The following MAPRE2 variants were observed in gnomAD, a reference collection of about 807,000 sequenced individuals.
MAPRE2 encodes microtubule associated protein RP/EB family member 2.
In MAPRE2, 13 loss-of-function variants were observed where a neutral mutation model predicts 43.2. That is an observed-to-expected ratio of 0.30 (90% CI 0.20 to 0.48). The LOEUF (loss-of-function observed/expected upper bound fraction) is 0.48. MAPRE2 is among the 20% of genes least tolerant of loss of function. The pLI, the probability that MAPRE2 is intolerant of heterozygous loss-of-function variation, is 0.99. For missense variants in MAPRE2, 161 were observed against 400.2 expected (o/e 0.40, Z 5.10); for synonymous variants, 135 against 148.8 (o/e 0.91, Z 0.68).
At chr18:34,985,391 T>A (rs1274780827) in intron 1 of MAPRE2, among the ~76,000 whole-genome samples, 2 of 48,680 alleles carry the variant, frequency 4.1e-5, no homozygotes, top group African/African-American at 1.7e-4. Flanking sequence ...TTTATATATA[T>A]ATAATATATA....
chr18:34,979,964 A>T (rs1269405094), intron 1 of MAPRE2, among the ~76,000 whole-genome samples: 1 of 150,366 alleles, frequency 6.7e-6, no homozygotes, highest in Non-Finnish European at 1.5e-5. Context: ...CACTCTCTGC[A>T]CTGTTGTCTA....
intron 5 of MAPRE2, among the ~76,000 whole-genome samples, chr18:35,129,714 G>C (rs1910063283): frequency 6.6e-6 from 1 of 152,206 alleles, no homozygotes; most frequent in Admixed American, 6.5e-5. Flanking sequence ...AGAGACTATA[G>C]CCATCACTGA....
chr18:35,032,206 G>C (rs1459088247), intron 2 of MAPRE2, among the ~76,000 whole-genome samples: 1 of 152,192 alleles, frequency 6.6e-6, no homozygotes, highest in Non-Finnish European at 1.5e-5. Flanking sequence ...CAGCAGAGGT[G>C]ACTGCTAAGT....
chr18:35,042,452 T>C (rs1905416893), intron 1 of MAPRE2, among the ~76,000 whole-genome samples: 1 of 152,214 alleles, frequency 6.6e-6, no homozygotes, highest in Non-Finnish European at 1.5e-5. Context: ...TTTTGATTAA[T>C]GAGTTGGCCT....
chr18:34,980,795 T>C (rs937069092), intron 1 of MAPRE2, among the ~76,000 whole-genome samples: 1 of 152,344 alleles, frequency 6.6e-6, no homozygotes, highest in Admixed American at 6.5e-5. Flanking sequence ...CCCATTATTA[T>C]GAAAAACCAC....
At position 35,041,503 on chromosome 18, in the gene MAPRE2, C is replaced by T. The variant is rs1399034903; in HGVS notation, c.-37C>T. The T allele has an allele frequency of 6.2e-7, 1 of 1,613,844 alleles. No individual in the cohort carries two copies. Among genetic ancestry groups the T allele is most frequent in the East Asian group, 2.2e-5 (1 of 44,880 alleles). On this transcript the variant is annotated 5_prime_UTR_variant, in exon 1 of 7. Transcript: ENST00000300249. ...CGCAGCCACCTTCCTCACCAGCCAG[C>T]CCACAGCGGTTTGTTCCCCTTCTCG...
intron 1 of MAPRE2, among the ~76,000 whole-genome samples, chr18:34,977,743 T>A (rs946025072): frequency 3.9e-5 from 6 of 152,182 alleles, no homozygotes; most frequent in Non-Finnish European, 8.8e-5. Context: ...CCCAAGCATC[T>A]CTTCTGCAGG....
intron 1 of MAPRE2, among the ~76,000 whole-genome samples, chr18:35,005,066 G>A (rs1478543834): frequency 6.6e-6 from 1 of 152,068 alleles, no homozygotes; most frequent in African/African-American, 2.4e-5. Flanking sequence ...TATAAAACCT[G>A]GTTAAACCTA....
At chr18:34,993,065 TG>T (rs1426303259) in intron 1 of MAPRE2, among the ~76,000 whole-genome samples, 1 of 152,156 alleles carries the variant, frequency 6.6e-6, no homozygotes, top group Non-Finnish European at 1.5e-5. Flanking sequence ...CTGAATCTTG[TG>T]ATTTTGTGCT....
chr18:35,055,212 G>T (rs1906154727), intron 1 of MAPRE2, among the ~76,000 whole-genome samples: 1 of 152,224 alleles, frequency 6.6e-6, no homozygotes, highest in South Asian at 2.1e-4. Flanking sequence ...GAGGCTAGAA[G>T]TCTAAAACCA....
chr18:34,978,189 C>G (rs1387635521), intron 1 of MAPRE2: 1 of 407,700 alleles, frequency 2.5e-6, no homozygotes, highest in Admixed American at 4.5e-5. Flanking sequence ...ATTGTCTTCT[C>G]TATCACTTGT....
rs201407334 is a variant in MAPRE2, at chr18:35,033,313, C to CT, written c.-8+27760_-8+27761insT. 8.4e-4 allele frequency among the ~76,000 whole-genome samples: 128 copies of CT among 152,158 alleles called. 1 individual carries two copies. In the East Asian group the frequency reaches 0.022, roughly 26 times the overall value. On this transcript the variant is annotated intron_variant, in intron 2 of 7. Transcript: ENST00000413393. The stretch of plus-strand genomic sequence containing the variant: ...AAAGGCCTTTGACAAAATTCAACAA[C>CT]CTTCATGCTAAAAACTCTCAATAAA...
At chr18:35,077,347 A>G (rs1357339018) in intron 2 of MAPRE2, among the ~76,000 whole-genome samples, 1 of 152,176 alleles carries the variant, frequency 6.6e-6, no homozygotes, top group African/African-American at 2.4e-5. Flanking sequence ...CCCATATGTG[A>G]GAAATTCCCA....
At position 35,105,772 on chromosome 18, in the gene MAPRE2, A is replaced by G. The variant is rs534704453; in HGVS notation, c.610+3613A>G. Among the ~76,000 whole-genome samples, 41 of 152,194 alleles carry G rather than the reference A, an allele frequency of 2.7e-4. No homozygotes were observed. In the South Asian group the frequency reaches 7.1e-3, roughly 26 times the overall value. Reference sequence around the variant, plus strand: ...AGTACAAACCTCAGTTAAAAAAAAAAACTTAAAACCTTACTAAAGAGCCTC... The same window carrying G: ...AGTACAAACCTCAGTTAAAAAAAAAGACTTAAAACCTTACTAAAGAGCCTC... On this transcript the variant is annotated intron_variant, in intron 4 of 6. Coordinates refer to ENST00000300249, the MANE Select transcript of MAPRE2 (RefSeq NM_014268.4).
intron 1 of MAPRE2, among the ~76,000 whole-genome samples, chr18:34,988,259 A>G (rs748372686): frequency 3.9e-5 from 6 of 152,192 alleles, no homozygotes; most frequent in Non-Finnish European, 8.8e-5. Flanking sequence ...GAGTCCATAG[A>G]TAATTCTTTT....
At chr18:35,093,933 T>C (rs1051389179) in intron 2 of MAPRE2, among the ~76,000 whole-genome samples, 1 of 152,228 alleles carries the variant, frequency 6.6e-6, no homozygotes, top group Admixed American at 6.5e-5. Flanking sequence ...GAGTGTACCC[T>C]ATTTAGAGCT....
Position 35,026,126 on chromosome 18 carries a change from G to A in MAPRE2, c.-8+20573G>A, listed in dbSNP as rs147155333. 2.4e-3 allele frequency among the ~76,000 whole-genome samples: 365 copies of A among 152,330 alleles called. 1 individual carries two copies. Among genetic ancestry groups the A allele is most frequent in the African/African-American group, 8.3e-3 (347 of 41,574 alleles). On this transcript the variant is annotated intron_variant, in intron 2 of 7. Transcript: ENST00000413393. The stretch of plus-strand genomic sequence containing the variant: ...CTCTAGAGAGACTCATGAGGTAGGT[G>A]AGAGGAAGGAGCGTGTCTGAAGCAG...
chr18:35,098,568 C>T (rs1040308542), intron 3 of MAPRE2, among the ~76,000 whole-genome samples: 11 of 152,192 alleles, frequency 7.2e-5, no homozygotes, highest in Non-Finnish European at 1.6e-4. Flanking sequence ...CATACATTCT[C>T]TTTAACATCT....
chr18:35,027,003 T>G (rs1177916201), intron 2 of MAPRE2, among the ~76,000 whole-genome samples: 1 of 152,204 alleles, frequency 6.6e-6, no homozygotes, highest in Non-Finnish European at 1.5e-5. Flanking sequence ...TCTTCAGGGT[T>G]TTTTCTCTGC....
Sources: allele counts gnomAD v4.1 joint callset (sites outside exome capture counted in the v4.1 genomes callset), GRCh38; gene constraint gnomAD v4.1.1; transcripts MANE v1.5; gene names NCBI Gene and HGNC (gene_info 2026-07-23, HGNC 2026-07-21).